UBE4B: variants seen among roughly 807,000 people sequenced by gnomAD.
UBE4B encodes ubiquitin conjugation factor E4 B.
In UBE4B, 27 loss-of-function variants were observed where a neutral mutation model predicts 148.1. The ratio of observed to expected loss-of-function variants is 0.18; its 90% CI spans 0.13 to 0.25. The LOEUF (loss-of-function observed/expected upper bound fraction) is 0.25. Ranked by LOEUF, UBE4B falls within the 10% of genes least tolerant of loss-of-function variation. The probability of loss-of-function intolerance (pLI) is 1.00; values close to 1 mark genes in which losing one functional copy is unlikely to be tolerated. For missense variants in UBE4B, 1,170 were observed against 1,662.4 expected, an observed-to-expected ratio of 0.70 and a Z score of 5.15; for synonymous variants, 596 against 619.3, an observed-to-expected ratio of 0.96 and a Z score of 0.56.
chr1:10,171,608 A>G (rs1021388544), intron 25 of UBE4B, among the ~76,000 whole-genome samples: 1 of 152,162 alleles, frequency 6.6e-6, no homozygotes, highest in Non-Finnish European at 1.5e-5. Context: ...TCTCAAAAAC[A>G]CGGTGGCTCA....
chr1:10,074,135 C>T (rs1245918901), intron 2 of UBE4B, among the ~76,000 whole-genome samples: 2 of 151,952 alleles, frequency 1.3e-5, no homozygotes, highest in African/African-American at 2.4e-5. Flanking sequence ...AAAACAGATG[C>T]AGGCAGAACC....
At chr1:10,097,546 T>TA (rs1298740562) in intron 3 of UBE4B, among the ~76,000 whole-genome samples, 1 of 152,152 alleles carries the variant, frequency 6.6e-6, no homozygotes, top group Non-Finnish European at 1.5e-5. Flanking sequence ...AGCAGTGGCT[T>TA]ACGCCTGTAA....
At chr1:10,072,487 A>G (rs1195971043) in intron 2 of UBE4B, 1 of 714,174 alleles carries the variant, frequency 1.4e-6, no homozygotes, top group South Asian at 1.5e-5. Flanking sequence ...AAGATGATTA[A>G]GACTGAATTT....
At chr1:10,163,558 C>T (rs1342240993) in intron 23 of UBE4B, among the ~76,000 whole-genome samples, 2 of 151,948 alleles carry the variant, frequency 1.3e-5, no homozygotes, top group African/African-American at 4.8e-5. Context: ...GTCCCAGCTA[C>T]TTGAGAGGCT....
chr1:10,100,108 G>A lies in UBE4B; in HGVS notation c.348-1000G>A, dbSNP rs540990632. On this transcript the variant is annotated intron_variant, in intron 3 of 27. Transcript: ENST00000343090. ...GGGTTCAGGCCATTCTCCCGCCTCG[G>A]CCTCCTGAGTAGCTGGGCCTACAGG... Among the ~76,000 whole-genome samples, 15 of 152,036 alleles carry A rather than the reference G, an allele frequency of 9.9e-5. No individual in the cohort carries two copies. The East Asian group carries it at 2.1e-3, about 22-fold the overall frequency.
chr1:10,170,626 CTT>C (rs1178742178), intron 24 of UBE4B, among the ~76,000 whole-genome samples: 1 of 152,200 alleles, frequency 6.6e-6, no homozygotes, highest in Non-Finnish European at 1.5e-5. Flanking sequence ...CAAGGCATAA[CTT>C]TTATCTTCTT....
chr1:10,161,741 T>C lies in UBE4B; in HGVS notation c.3198+455T>C, dbSNP rs1209729917. On this transcript the variant is annotated intron_variant, in intron 23 of 27. Coordinates refer to ENST00000343090, the MANE Select transcript of UBE4B (RefSeq NM_001105562.3). The surrounding 1 kb of genome is among the most constrained non-coding windows in gnomAD (Gnocchi z 4.1). The stretch of plus-strand genomic sequence containing the variant: ...TGATCTTGGGTTTTATATTCAGTTA[T>C]TAATAGAAAAGAGGCCTGGCTTGCC... Among the ~76,000 whole-genome samples, 1 of 152,200 alleles carries C rather than the reference T, an allele frequency of 6.6e-6. No individual in the cohort carries two copies. Among genetic ancestry groups the C allele is most frequent in the Non-Finnish European group, 1.5e-5 (1 of 68,044 alleles).
chr1:10,136,944 C>CA (rs1203937854), intron 16 of UBE4B, 123 bp from the exon 17 acceptor site: 7 of 1,075,906 alleles, frequency 6.5e-6, no homozygotes, highest in Non-Finnish European at 9.1e-6. Flanking sequence ...AATAAATAAA[C>CA]AAATAAAAAG....
Position 10,088,824 on chromosome 1 carries a change from T to C in UBE4B, c.212-6637T>C, listed in dbSNP as rs1337049314. On this transcript the variant is annotated intron_variant, in intron 2 of 27. Transcript: ENST00000343090. Reference sequence around the variant, plus strand: ...CTCCTGAGTAGCTGGGACTACAGGCTTGCACCACCATGCCCAACTAATTTT... The same window carrying C: ...CTCCTGAGTAGCTGGGACTACAGGCCTGCACCACCATGCCCAACTAATTTT... Among the ~76,000 whole-genome samples the C allele has an allele frequency of 2.7e-5, 4 of 150,728 alleles. No homozygotes were observed. The East Asian group carries it at 7.9e-4, about 30-fold the overall frequency.
At chr1:10,129,941 C>T (rs779198742) in intron 12 of UBE4B, among the ~76,000 whole-genome samples, 2 of 152,108 alleles carry the variant, frequency 1.3e-5, no homozygotes, top group East Asian at 3.9e-4. Context: ...CGTGAGCCAC[C>T]GCACCGGGCC....
rs748881096 is a variant in UBE4B, at chr1:10,155,084, A to AGAGTGT, written c.2927-3271_2927-3270insAGTGTG. ...CTTCAGGAGAGAGAGAGAGAGAGAG[A>AGAGTGT]GTGTGTGTGTGTGTGTGTGTGTGTG... On this transcript the variant is annotated intron_variant, in intron 21 of 27. Transcript: ENST00000343090. 1.6e-3 allele frequency among the ~76,000 whole-genome samples: 229 copies of AGAGTGT among 146,292 alleles called. 1 individual carries two copies. Among genetic ancestry groups the AGAGTGT allele is most frequent in the African/African-American group, 5.4e-3 (215 of 39,628 alleles).
chr1:10,065,596 C>T (rs1416898668), intron 1 of UBE4B, among the ~76,000 whole-genome samples: 1 of 152,146 alleles, frequency 6.6e-6, no homozygotes. Flanking sequence ...TGCCTCTTGC[C>T]CTTTGCCTGG....
chr1:10,042,267 C>A (rs541536229), intron 1 of UBE4B, among the ~76,000 whole-genome samples: 1 of 152,314 alleles, frequency 6.6e-6, no homozygotes, highest in African/African-American at 2.4e-5. Context: ...ACGGTTCATT[C>A]AACAGCGCTT....
intron 7 of UBE4B, 119 bp from the exon 8 acceptor site, chr1:10,117,340 G>A: frequency 7.7e-7 from 1 of 1,296,020 alleles, no homozygotes; most frequent in Non-Finnish European, 1.1e-6. Context: ...TGGCCGCATG[G>A]GTGTTTGTGC....
Position 10,136,711 on chromosome 1 carries a change from G to A in UBE4B, c.2225-356G>A, listed in dbSNP as rs186780695. On this transcript the variant is annotated intron_variant, in intron 16 of 27. Transcript: ENST00000343090. ...AAGGAGGGTAGATTGCCTGAGGTCA[G>A]GAGTTCGAGACCAGTCTGAGCAACA... Among the ~76,000 whole-genome samples, 914 of 152,258 alleles carry A rather than the reference G, an allele frequency of 6.0e-3. 6 individuals are homozygous for A. The highest frequency in any genetic ancestry group is 0.01 in the Non-Finnish European group (705 of 68,026).
At chr1:10,047,707 T>G (rs983735302) in intron 1 of UBE4B, among the ~76,000 whole-genome samples, 1 of 151,952 alleles carries the variant, frequency 6.6e-6, no homozygotes, top group African/African-American at 2.4e-5. Context: ...TTAGCTAGGA[T>G]GGTCTCGATC....
At chr1:10,135,433 G>A (rs1316026607) in intron 16 of UBE4B, among the ~76,000 whole-genome samples, 1 of 151,422 alleles carries the variant, frequency 6.6e-6, no homozygotes, top group African/African-American at 2.4e-5. Context: ...GTGAAACCCC[G>A]TCTCTACTAA....
intron 2 of UBE4B, among the ~76,000 whole-genome samples, chr1:10,094,283 C>G (rs535577842): frequency 3.3e-5 from 5 of 152,034 alleles, no homozygotes; most frequent in African/African-American, 1.2e-4. Context: ...GGTGTTCAAT[C>G]AATAAATGGA....
At chr1:10,077,826 T>C (rs931929313) in intron 2 of UBE4B, among the ~76,000 whole-genome samples, 1 of 152,202 alleles carries the variant, frequency 6.6e-6, no homozygotes, top group Non-Finnish European at 1.5e-5. Flanking sequence ...CATGATAACA[T>C]AACTAGTGCC....
Sources: allele counts gnomAD v4.1 joint callset (sites outside exome capture counted in the v4.1 genomes callset), GRCh38; gene constraint gnomAD v4.1.1; non-coding constraint Gnocchi (gnomAD v3.1); transcripts MANE v1.5; gene names NCBI Gene and HGNC (gene_info 2026-07-23, HGNC 2026-07-21).